SCRG1: variants seen among roughly 807,000 people sequenced by gnomAD.
SCRG1 encodes scrapie-responsive protein 1.
SCRG1 carries 3 observed loss-of-function variants against 7.7 expected under a neutral mutation model. The ratio of observed to expected loss-of-function variants is 0.39; its 90% CI spans 0.18 to 1.01. The LOEUF is 1.01. SCRG1 is among the 50% of genes least tolerant of loss of function. The pLI, the probability that SCRG1 is intolerant of heterozygous loss-of-function variation, is 0.36. For missense variants in SCRG1, 110 were observed against 117.2 expected (o/e 0.94, Z 0.28); for synonymous variants, 46 against 41.2 (o/e 1.12, Z -0.44).
rs1486687861 is a variant in SCRG1, at chr4:173,387,225, T to G, written c.*1116A>C. On this transcript the variant is annotated 3_prime_UTR_variant, in exon 3 of 3. Transcript: ENST00000296506. ...TGGAACTCTTGAAAATCTGCCTTGA[T>G]TTTTAGCAAATATCTTAAACTTGAG... The G allele has an allele frequency of 6.6e-6, 1 of 152,164 alleles. No individual in the cohort carries two copies. Among genetic ancestry groups the G allele is most frequent in the Non-Finnish European group, 1.5e-5 (1 of 68,028 alleles). 9.4% of individuals were successfully genotyped at this position (152,164 alleles called of 1,614,324 possible).
the SCRG1 span, among the ~76,000 whole-genome samples, chr4:173,449,917 T>C: frequency 1.3e-5 from 2 of 152,218 alleles, no homozygotes; most frequent in African/African-American, 4.8e-5. Flanking sequence ...GTAGGTGGAA[T>C]AGTCTGACAT....
chr4:173,504,867 C>G, the SCRG1 span, among the ~76,000 whole-genome samples: 1 of 152,166 alleles, frequency 6.6e-6, no homozygotes, highest in African/African-American at 2.4e-5. The surrounding 1 kb of genome is among the most constrained non-coding windows in gnomAD (Gnocchi z 4.7). Context: ...GGTGCCCTAG[C>G]CACAGCTAGC....
chr4:173,399,683 T>C (rs907599283), upstream of SCRG1: 2 of 54,630 alleles, frequency 3.7e-5, no homozygotes, highest in African/African-American at 9.6e-5. Flanking sequence ...AAAGCTAAAA[T>C]GATGACTAAA....
chr4:173,427,697 G>A, the SCRG1 span, among the ~76,000 whole-genome samples: 1 of 152,186 alleles, frequency 6.6e-6, no homozygotes, highest in South Asian at 2.1e-4. Context: ...GGACTGGACA[G>A]CCCACACCTC....
the SCRG1 span, among the ~76,000 whole-genome samples, chr4:173,476,014 G>T: frequency 1.3e-5 from 2 of 151,712 alleles, no homozygotes; most frequent in South Asian, 4.2e-4. Flanking sequence ...GGTGGTGATG[G>T]TTGCATAACA....
chr4:173,446,192 G>T, the SCRG1 span, among the ~76,000 whole-genome samples: 1 of 152,112 alleles, frequency 6.6e-6, no homozygotes, highest in Non-Finnish European at 1.5e-5. Context: ...TGATGACCCT[G>T]CTTCCAACAT....
At chr4:173,438,423 A>G in the SCRG1 span, among the ~76,000 whole-genome samples, 2 of 152,090 alleles carry the variant, frequency 1.3e-5, no homozygotes, top group African/African-American at 4.8e-5. Flanking sequence ...CTGTCTGACC[A>G]ACTAAGCTTT....
the SCRG1 span, among the ~76,000 whole-genome samples, chr4:173,458,860 A>G: frequency 1.3e-5 from 2 of 152,216 alleles, no homozygotes; most frequent in Admixed American, 1.3e-4. Flanking sequence ...TGTACTGCCC[A>G]CAAGAAACTC....
At chr4:173,407,391 G>T (rs373684904), upstream of SCRG1, among the ~76,000 whole-genome samples, 3 of 151,656 alleles carry the variant, frequency 2.0e-5, no homozygotes, top group African/African-American at 7.3e-5. Context: ...AAAATTAGCC[G>T]CACATGGTGG....
chr4:173,512,041 A>G, the SCRG1 span, among the ~76,000 whole-genome samples: 1 of 152,244 alleles, frequency 6.6e-6, no homozygotes, highest in Admixed American at 6.5e-5. Flanking sequence ...GACCCTGCCA[A>G]TTCAAGTACT....
At chr4:173,459,750 G>C in the SCRG1 span, among the ~76,000 whole-genome samples, 1 of 152,192 alleles carries the variant, frequency 6.6e-6, no homozygotes, top group African/African-American at 2.4e-5. Context: ...CCAGAGGCTG[G>C]GAAGGGGGTT....
At chr4:173,438,702 A>AT in the SCRG1 span, among the ~76,000 whole-genome samples, 1 of 151,526 alleles carries the variant, frequency 6.6e-6, no homozygotes, top group South Asian at 2.1e-4. Context: ...CAAAGTTCAC[A>AT]TTTTTCAATA....
the SCRG1 span, among the ~76,000 whole-genome samples, chr4:173,484,449 A>T: frequency 0.045 from 537 of 12,034 alleles, 45 homozygotes; most frequent in Middle Eastern, 0.12. Context: ...ATGATATATA[A>T]TATATATTAT....
At chr4:173,449,593 GTC>G in the SCRG1 span, among the ~76,000 whole-genome samples, 1 of 152,140 alleles carries the variant, frequency 6.6e-6, no homozygotes, top group African/African-American at 2.4e-5. Context: ...TAGCTAGAAT[GTC>G]TCTCTCCTGA....
chr4:173,492,573 G>C, the SCRG1 span, among the ~76,000 whole-genome samples: 21 of 152,222 alleles, frequency 1.4e-4, no homozygotes, highest in Admixed American at 2.6e-4. Flanking sequence ...GCCAAGATCA[G>C]AGGGATTTAG....
upstream of SCRG1, among the ~76,000 whole-genome samples, chr4:173,401,395 G>C (rs893610522): frequency 2.0e-5 from 3 of 152,148 alleles, no homozygotes. Context: ...TCCACTTTAA[G>C]AGCTATCCGT....
At chr4:173,392,078 T>C (rs1328795064) in intron 1 of SCRG1, among the ~76,000 whole-genome samples, 1 of 152,200 alleles carries the variant, frequency 6.6e-6, no homozygotes, top group Non-Finnish European at 1.5e-5. Flanking sequence ...ACAAATAACA[T>C]AATTGAATAC....
the SCRG1 span, among the ~76,000 whole-genome samples, chr4:173,417,578 A>G: frequency 2.0e-5 from 3 of 151,770 alleles, no homozygotes; most frequent in East Asian, 5.8e-4. Context: ...CTTCTTCATA[A>G]CTAGTCTCCC....
the SCRG1 span, among the ~76,000 whole-genome samples, chr4:173,452,494 G>A: frequency 1.9e-4 from 29 of 152,106 alleles, no homozygotes; most frequent in African/African-American, 7.0e-4. Context: ...TTAGCTAGCC[G>A]CAATGTTCTC....
Sources: gnomAD v4.1 joint callset for allele counts (sites outside exome capture counted in the v4.1 genomes callset) on GRCh38, gnomAD v4.1.1 for gene constraint, Gnocchi (gnomAD v3.1) non-coding constraint, MANE v1.5 for transcripts, NCBI Gene and HGNC (gene_info 2026-07-23, HGNC 2026-07-21) for gene names.